The following PCDHGA3 variants were observed in gnomAD, a reference collection of about 807,000 sequenced individuals.
PCDHGA3 encodes protocadherin gamma-A3.
A neutral mutation model predicts 58.5 loss-of-function variants in PCDHGA3; 40 were observed. That is an observed-to-expected ratio of 0.68 (90% confidence interval 0.53 to 0.89). The LOEUF is 0.89. PCDHGA3 is among the 40% of genes least tolerant of loss of function. The probability of loss-of-function intolerance (pLI) is 0.00; values close to 1 mark genes in which losing one functional copy is unlikely to be tolerated. For missense variants in PCDHGA3, 1,223 were observed against 1,195.9 expected (o/e 1.02, Z -0.33); for synonymous variants, 530 against 525.7 (o/e 1.01, Z -0.11).
intron 1 of PCDHGA3, chr5:141,412,314 A>G (rs913648948): frequency 6.6e-6 from 1 of 152,240 alleles, no homozygotes; most frequent in African/African-American, 2.4e-5. Flanking sequence ...CAATGCAAAC[A>G]GTTTAATTTG....
chr5:141,410,410 A>G, intron 1 of PCDHGA3: 1 of 1,613,986 alleles, frequency 6.2e-7, no homozygotes, highest in Non-Finnish European at 8.5e-7. Context: ...TCAAGTCTGG[A>G]CCTGTAGTTC....
chr5:141,359,713 T>C (rs953640079), intron 1 of PCDHGA3, among the ~76,000 whole-genome samples: 2 of 152,122 alleles, frequency 1.3e-5, no homozygotes, highest in Non-Finnish European at 2.9e-5. Flanking sequence ...CCTAAGAAAC[T>C]TTAACACTCA....
chr5:141,398,855 A>C, intron 1 of PCDHGA3: 1 of 1,613,970 alleles, frequency 6.2e-7, no homozygotes, highest in Non-Finnish European at 8.5e-7. Context: ...CCGGTATTCA[A>C]CCGAGACGTG....
rs1001516677 is a variant in PCDHGA3 at position 141,399,747 on chromosome 5, A to G, written c.2424+53290A>G. On this transcript the variant is annotated intron_variant, in intron 1 of 3. Coordinates refer to ENST00000253812, the MANE Select transcript of PCDHGA3 (RefSeq NM_018916.4). The stretch of plus-strand genomic sequence containing the variant: ...ACCAGGGCTCGCCTGCGCTCAGCGC[A>G]AACGTGAGCCTGCGCGTGTTGGTGG... 3.7e-6 allele frequency: 6 copies of G among 1,613,228 alleles called. No homozygotes were observed. In the African/African-American group the frequency reaches 6.7e-5, roughly 18 times the overall value.
intron 1 of PCDHGA3, chr5:141,430,598 T>G: frequency 1.7e-6 from 1 of 598,568 alleles, no homozygotes; most frequent in Non-Finnish European, 2.6e-6. Context: ...TGCACGCGCC[T>G]GAAGCACAAA....
At chr5:141,443,874 A>G (rs2098409122) in intron 1 of PCDHGA3, among the ~76,000 whole-genome samples, 1 of 152,190 alleles carries the variant, frequency 6.6e-6, no homozygotes, top group Non-Finnish European at 1.5e-5. Flanking sequence ...AATTACTGAT[A>G]AGTCAAGAGA....
chr5:141,347,736 A>G (rs113683885), intron 1 of PCDHGA3, among the ~76,000 whole-genome samples: 2,460 of 152,046 alleles, frequency 0.016, 70 homozygotes, highest in African/African-American at 0.056. Flanking sequence ...GCAGAGAGCC[A>G]AAATTGGGCC....
In PCDHGA3 at chr5:141,365,130, C is replaced by T. The variant is rs766093939; in HGVS notation, c.2424+18673C>T. 5 of 1,613,878 alleles carry T rather than the reference C, an allele frequency of 3.1e-6. No individual in the cohort carries two copies. In the South Asian group the frequency reaches 3.3e-5, roughly 11 times the overall value. On this transcript the variant is annotated intron_variant, in intron 1 of 3. Coordinates refer to ENST00000253812, the MANE Select transcript of PCDHGA3 (RefSeq NM_018916.4). ...ACTCGGCTGCTCATGCTAACCGCCA[C>T]GGATCCAGATGAGGGAATAAACGGG...
chr5:141,355,540 G>C (rs1357425110), intron 1 of PCDHGA3: 1 of 1,613,966 alleles, frequency 6.2e-7, no homozygotes, highest in Non-Finnish European at 8.5e-7. Flanking sequence ...AGAAGATACA[G>C]TGAAGATTTT....
intron 1 of PCDHGA3, chr5:141,350,701 A>G (rs1296058954): frequency 5.6e-6 from 9 of 1,613,890 alleles, no homozygotes; most frequent in Non-Finnish European, 7.6e-6. Flanking sequence ...TACCCGGGGT[A>G]AAATTCTCTC....
At chr5:141,357,307 G>T in intron 1 of PCDHGA3, 4 of 1,614,042 alleles carry the variant, frequency 2.5e-6, no homozygotes, top group Non-Finnish European at 3.4e-6. Flanking sequence ...TGTCTCCTGC[G>T]TCTTCCTGGC....
Position 141,402,817 on chromosome 5 carries a change from C to T in PCDHGA3, c.2424+56360C>T, listed in dbSNP as rs1040353038. On this transcript the variant is annotated intron_variant, in intron 1 of 3. Transcript: ENST00000253812. ...ACAAAACCCGGCAGATACCACAAACCTGCTCCCAGGCTGCAGCAAAACTCA... is the reference window on the plus strand; with the variant it reads ...ACAAAACCCGGCAGATACCACAAACTTGCTCCCAGGCTGCAGCAAAACTCA... The T allele has an allele frequency of 6.3e-6, 8 of 1,267,616 alleles. No homozygotes were observed. In the African/African-American group the frequency reaches 1.2e-4, roughly 19 times the overall value. The allele number at this position is 1,267,616 out of a possible 1,614,324, so 78.5% of individuals were successfully genotyped here.
chr5:141,424,797 C>G (rs1262781875), intron 1 of PCDHGA3: 1 of 151,908 alleles, frequency 6.6e-6, no homozygotes, highest in Non-Finnish European at 1.5e-5. Flanking sequence ...TTATTCAGAC[C>G]AACTTGTTAT....
chr5:141,399,173 T>C, intron 1 of PCDHGA3: 1 of 1,613,830 alleles, frequency 6.2e-7, no homozygotes, highest in East Asian at 2.2e-5. Context: ...CATTCTCTAC[T>C]TGAAATGATT....
At chr5:141,443,113 T>C (rs2098364390) in intron 1 of PCDHGA3, among the ~76,000 whole-genome samples, 1 of 152,040 alleles carries the variant, frequency 6.6e-6, no homozygotes, top group African/African-American at 2.4e-5. Flanking sequence ...ACCTTGCTTT[T>C]CAAACCAGAT....
chr5:141,457,680 G>A lies in PCDHGA3; in HGVS notation c.2425-37127G>A, dbSNP rs866876250. 2.6e-5 allele frequency among the ~76,000 whole-genome samples: 4 copies of A among 152,290 alleles called. No individual in the cohort carries two copies. The South Asian group carries it at 8.3e-4, about 32-fold the overall frequency. On this transcript the variant is annotated intron_variant, in intron 1 of 3. Coordinates refer to ENST00000253812, the MANE Select transcript of PCDHGA3 (RefSeq NM_018916.4). The stretch of plus-strand genomic sequence containing the variant: ...AGCAAGAATGGTTATTTCTACATAG[G>A]ACTTTTGGATTGGCTTTGATGAAAC...
intron 1 of PCDHGA3, chr5:141,430,711 C>T (rs2097304226): frequency 1.3e-6 from 2 of 1,483,856 alleles, no homozygotes; most frequent in African/African-American, 2.8e-5. Context: ...CTGCTCCTGA[C>T]TTCAGTGGTT....
At chr5:141,375,665 C>A in intron 1 of PCDHGA3, 1 of 1,614,242 alleles carries the variant, frequency 6.2e-7, no homozygotes, top group Non-Finnish European at 8.5e-7. Flanking sequence ...GTTGAGAGAC[C>A]TACAGCTGTG....
At chr5:141,369,492 C>T (rs1183800613) in intron 1 of PCDHGA3, among the ~76,000 whole-genome samples, 1 of 151,590 alleles carries the variant, frequency 6.6e-6, no homozygotes, top group Non-Finnish European at 1.5e-5. Context: ...CATAGTGAAA[C>T]CCCACCTCTA....
Sources: allele counts gnomAD v4.1 joint callset (sites outside exome capture counted in the v4.1 genomes callset), GRCh38; gene constraint gnomAD v4.1.1; transcripts MANE v1.5; gene names NCBI Gene and HGNC (gene_info 2026-07-23, HGNC 2026-07-21).